CLCN3: variants seen among roughly 807,000 people sequenced by gnomAD.
CLCN3 encodes the protein Cl-/H+ antiporter 3, also known as H(+)/Cl(-) exchange transporter 3.
Under a neutral mutation model 83.4 loss-of-function variants are expected in CLCN3, and 16 were observed. The observed-to-expected ratio is 0.19, with a 90% confidence interval of 0.13 to 0.29. CLCN3 has a LOEUF of 0.29. Among genes scored for constraint, CLCN3 ranks in the 10% least tolerant of loss-of-function variants. CLCN3 has a pLI of 1.00. For missense variants in CLCN3, 544 were observed against 1,006.0 expected, an observed-to-expected ratio of 0.54 and a Z score of 6.21; for synonymous variants, 322 against 346.2, an observed-to-expected ratio of 0.93 and a Z score of 0.78.
At chr4:169,695,522 C>T (rs1732531828) in intron 7 of CLCN3, 90 bp from the exon 8 acceptor site, 3 of 922,604 alleles carry the variant, frequency 3.3e-6, no homozygotes, top group Non-Finnish European at 5.2e-6. Context: ...TCAGAAAATC[C>T]ATTTGGAAAA....
chr4:169,666,746 G>C (rs1239831968), intron 2 of CLCN3, among the ~76,000 whole-genome samples: 1 of 152,220 alleles, frequency 6.6e-6, no homozygotes, highest in Non-Finnish European at 1.5e-5. Flanking sequence ...CAAAGTGCTA[G>C]AGTTTGAATC....
chr4:169,646,844 G>A (rs533261014), intron 2 of CLCN3, among the ~76,000 whole-genome samples: 165 of 152,222 alleles, frequency 1.1e-3, no homozygotes, highest in Non-Finnish European at 1.5e-3. Context: ...CACCCTTTTA[G>A]ATTTTCTCAT....
chr4:169,644,882 A>C (rs1289498690), intron 2 of CLCN3, among the ~76,000 whole-genome samples: 4 of 152,174 alleles, frequency 2.6e-5, no homozygotes, highest in Non-Finnish European at 4.4e-5. Context: ...TAATGGAAAC[A>C]AGAAGTCATG....
At chr4:169,625,585 G>A (rs529028357) in intron 1 of CLCN3, among the ~76,000 whole-genome samples, 2 of 152,242 alleles carry the variant, frequency 1.3e-5, no homozygotes, top group South Asian at 4.1e-4. Flanking sequence ...CTAAAGCCTC[G>A]ACATATAATC....
intron 2 of CLCN3, among the ~76,000 whole-genome samples, chr4:169,672,218 A>AACG (rs1560848345): frequency 7.6e-5 from 10 of 131,280 alleles, no homozygotes; most frequent in Non-Finnish European, 1.6e-4. Context: ...TCTCAAAATA[A>AACG]ATGATAGATA....
intron 2 of CLCN3, among the ~76,000 whole-genome samples, chr4:169,655,617 C>G (rs940975533): frequency 6.6e-6 from 1 of 152,194 alleles, no homozygotes; most frequent in Non-Finnish European, 1.5e-5. Flanking sequence ...ACTTCAGCCT[C>G]CTGCGTAGCT....
chr4:169,687,995 CT>C (rs1376635968), intron 4 of CLCN3, among the ~76,000 whole-genome samples: 2 of 152,176 alleles, frequency 1.3e-5, no homozygotes, highest in Non-Finnish European at 2.9e-5. Context: ...GTTTCTATAT[CT>C]GTAAAATAAG....
rs909045337 is a variant in CLCN3, at chr4:169,720,463, T to C, written c.*466T>C. The C allele has an allele frequency of 1.3e-5, 2 of 158,780 alleles. No homozygotes were observed. Among genetic ancestry groups the C allele is most frequent in the African/African-American group, 2.4e-5 (1 of 41,614 alleles). The allele number at this position is 158,780 out of a possible 1,614,324, so 9.8% of individuals were successfully genotyped here. A position where few individuals can be genotyped will look rare whatever the true frequency, so the allele number is the denominator to read the frequency against. On this transcript the variant is annotated 3_prime_UTR_variant, in exon 13 of 13. Coordinates refer to ENST00000513761, the MANE Select transcript of CLCN3 (RefSeq NM_001829.4). ...TGCCCTTTTTTTTAATCAAAACTGTTCTGTTTAATTCATGAATTGTATAGT... is the reference window on the plus strand; with the variant it reads ...TGCCCTTTTTTTTAATCAAAACTGTCCTGTTTAATTCATGAATTGTATAGT...
chr4:169,704,339 ATTAGGGTATTAT>A (rs1732910238), intron 10 of CLCN3, among the ~76,000 whole-genome samples, 155 bp downstream of exon 10: 1 of 152,218 alleles, frequency 6.6e-6, no homozygotes, highest in African/African-American at 2.4e-5. Context: ...CAGTAGTACT[ATTAGGGTATTAT>A]ACAGTACCGG....
intron 2 of CLCN3, 72 bp from the exon 3 acceptor site, chr4:169,679,978 T>C: frequency 8.3e-7 from 1 of 1,201,594 alleles, no homozygotes; most frequent in Non-Finnish European, 1.2e-6. Flanking sequence ...TAATAATGAA[T>C]TTCTAAGAAG....
At chr4:169,632,617 T>A (rs949360576) in intron 1 of CLCN3, among the ~76,000 whole-genome samples, 2 of 147,148 alleles carry the variant, frequency 1.4e-5, no homozygotes, top group African/African-American at 5.0e-5. Context: ...CTCGGGAGGC[T>A]GAGGCAGAAG....
chr4:169,667,085 C>T (rs2150225389), intron 2 of CLCN3, among the ~76,000 whole-genome samples: 1 of 152,096 alleles, frequency 6.6e-6, no homozygotes, highest in Non-Finnish European at 1.5e-5. Flanking sequence ...AAAAACCTGC[C>T]TAACTCAGGA....
At chr4:169,684,295 T>C (rs1732066358) in intron 3 of CLCN3, among the ~76,000 whole-genome samples, 1 of 152,210 alleles carries the variant, frequency 6.6e-6, no homozygotes, top group South Asian at 2.1e-4. Flanking sequence ...TTGGATTACC[T>C]GAAGTAAGGG....
At chr4:169,678,951 CCA>C (rs1490482337) in intron 2 of CLCN3, among the ~76,000 whole-genome samples, 1 of 152,224 alleles carries the variant, frequency 6.6e-6, no homozygotes, top group Non-Finnish European at 1.5e-5. Flanking sequence ...AGGGTGGCGG[CCA>C]GGCAGAGGGG....
At chr4:169,636,738 T>G (rs72694744) in intron 2 of CLCN3, among the ~76,000 whole-genome samples, 57 of 28,978 alleles carry the variant, frequency 2.0e-3, no homozygotes, top group South Asian at 3.3e-3. Context: ...TTATTTGGTT[T>G]TTTTTTTTTT....
chr4:169,680,670 A>C (rs1217291421), intron 3 of CLCN3: 1 of 153,010 alleles, frequency 6.5e-6, no homozygotes, highest in Non-Finnish European at 1.5e-5. Flanking sequence ...CTCCTTTCCC[A>C]GCATTTGATT....
rs6553449 is a variant in CLCN3, at chr4:169,671,489, A to G, written c.161-8561A>G. Among the ~76,000 whole-genome samples, 1,109 of 152,254 alleles carry G rather than the reference A, an allele frequency of 7.3e-3. 8 individuals carry two copies. Among genetic ancestry groups the G allele is most frequent in the African/African-American group, 0.025 (1,030 of 41,554 alleles). On this transcript the variant is annotated intron_variant, in intron 2 of 12. Coordinates refer to ENST00000513761, the MANE Select transcript of CLCN3 (RefSeq NM_001829.4). ...GGAGGGAGAGCATTAGGACAAATACATAATGCATTTGGGGTTTAAAACCTA... is the reference window on the plus strand; with the variant it reads ...GGAGGGAGAGCATTAGGACAAATACGTAATGCATTTGGGGTTTAAAACCTA...
intron 2 of CLCN3, among the ~76,000 whole-genome samples, chr4:169,646,373 C>T (rs574071810): frequency 1.3e-5 from 2 of 152,146 alleles, no homozygotes; most frequent in Non-Finnish European, 2.9e-5. Context: ...CCTCTGCCTC[C>T]CAGGTGGAGT....
intron 2 of CLCN3, among the ~76,000 whole-genome samples, chr4:169,674,070 T>C (rs964992831): frequency 6.6e-6 from 1 of 152,206 alleles, no homozygotes; most frequent in Non-Finnish European, 1.5e-5. Context: ...TTTTCCAATA[T>C]GCCAGTTGTC....
Sources: allele counts gnomAD v4.1 joint callset (sites outside exome capture counted in the v4.1 genomes callset), GRCh38; gene constraint gnomAD v4.1.1; transcripts MANE v1.5; gene names NCBI Gene and HGNC (gene_info 2026-07-23, HGNC 2026-07-21).